The following CFAP46 variants were observed in gnomAD, a reference collection of about 807,000 sequenced individuals.
CFAP46 encodes the protein cilia- and flagella-associated protein 46.
A neutral mutation model predicts 325.7 loss-of-function variants in CFAP46; 245 were observed. The ratio of observed to expected loss-of-function variants is 0.75; its 90% CI spans 0.68 to 0.84. CFAP46 has a LOEUF of 0.84. CFAP46 is among the 40% of genes least tolerant of loss of function. The probability of loss-of-function intolerance (pLI) is 0.00; values close to 1 mark genes in which losing one functional copy is unlikely to be tolerated. For synonymous variants in CFAP46, 1,523 were observed against 1,495.9 expected (o/e 1.02, Z -0.42); for missense variants, 3,346 against 3,543.0 (o/e 0.94, Z 1.41).
Position 132,937,286 on chromosome 10 carries a change from T to C in CFAP46, c.661-231A>G, listed in dbSNP as rs1591102299. On this transcript the variant is annotated intron_variant, in intron 6 of 57. Coordinates refer to ENST00000368586, the MANE Select transcript of CFAP46 (RefSeq NM_001200049.3). Reference sequence around the variant, plus strand: ...AATTTTCTATTAACTTTAAAAAAATTCAAAGCTATTACAAAGGAAATATTT... The same window carrying C: ...AATTTTCTATTAACTTTAAAAAAATCCAAAGCTATTACAAAGGAAATATTT... 5.6e-6 allele frequency: 3 copies of C among 540,216 alleles called. No individual in the cohort carries two copies. In the East Asian group the frequency reaches 9.2e-5, roughly 17 times the overall value. 33.5% of individuals were successfully genotyped at this position (540,216 alleles called of 1,614,324 possible). A position where few individuals can be genotyped will look rare whatever the true frequency, so the allele number is the denominator to read the frequency against.
intron 22 of CFAP46, 194 bp downstream of exon 22, chr10:132,908,274 C>T: frequency 1.6e-6 from 1 of 641,068 alleles, no homozygotes; most frequent in Non-Finnish European, 2.7e-6. Context: ...CAGGCCCGCG[C>T]TCCCTGCCCG....
chr10:132,891,882 C>T (rs1278182536), intron 25 of CFAP46, among the ~76,000 whole-genome samples: 1 of 152,158 alleles, frequency 6.6e-6, no homozygotes. Context: ...GTTGTCCCAC[C>T]TTCTGGACCA....
Position 132,859,198 on chromosome 10 carries a change from G to A in CFAP46, c.5248C>T (p.Pro1750Ser), listed in dbSNP as rs117808641. Residue 1750 changes from proline to serine, a missense_variant, in exon 38 of 58, where the codon CCC becomes TCC. Physicochemically the swap from Pro to Ser is moderately conservative, Grantham distance 74 (BLOSUM62 -1). Coordinates refer to ENST00000368586, the MANE Select transcript of CFAP46 (RefSeq NM_001200049.3). ...RVAQHSAVTE[P>S]TECSLLLKEM... is the part of the protein sequence containing the mutation. ...TTCAGTAGCAACGAGCACTCTGTGGGTTCAGTGACCGCTGAGTGCTGCGCA... is the reference window on the plus strand; with the variant it reads ...TTCAGTAGCAACGAGCACTCTGTGGATTCAGTGACCGCTGAGTGCTGCGCA... 1.3e-3 allele frequency: 1,989 copies of A among 1,550,342 alleles called. 53 individuals are homozygous for A. In the East Asian group the frequency reaches 0.04, roughly 31 times the overall value.
At chr10:132,812,994 G>A (rs748890633) in intron 54 of CFAP46, 97 bp from the exon 55 acceptor site, 10 of 859,228 alleles carry the variant, frequency 1.2e-5, no homozygotes, top group Non-Finnish European at 1.7e-5. Context: ...CGTGGTCCAC[G>A]CCTGTCCCAT....
chr10:132,858,496 A>G (rs1393515897), intron 38 of CFAP46, among the ~76,000 whole-genome samples: 2 of 148,856 alleles, frequency 1.3e-5, no homozygotes, highest in Non-Finnish European at 3.0e-5. Flanking sequence ...AGGCTTTGCC[A>G]GGGTGGGAGT....
chr10:132,933,098 G>A (rs1379627246), intron 8 of CFAP46, among the ~76,000 whole-genome samples: 4 of 152,200 alleles, frequency 2.6e-5, no homozygotes, highest in South Asian at 2.1e-4. Context: ...GACTCAACTC[G>A]GCCCTCAGTG....
chr10:132,885,245 C>T lies in CFAP46; in HGVS notation c.3485G>A (p.Gly1162Glu), dbSNP rs1192411087. 1.9e-6 allele frequency: 3 copies of T among 1,549,978 alleles called. No individual in the cohort carries two copies. The African/African-American group carries it at 4.1e-5, about 21-fold the overall frequency. Residue 1162 changes from glycine (G) to glutamate (E), a missense_variant, in exon 27 of 58, where the codon GGG becomes GAG. Coordinates refer to ENST00000368586, the MANE Select transcript of CFAP46 (RefSeq NM_001200049.3). ...KHMVIVKAKL[G>E]QNFSMEIQKF... ...CTGTATTTCCATCGAAAAATTCTGC[C>T]CGAGCTTGGCCTTCACGATGACCAT...
At chr10:132,927,658 G>A (rs552611200) in intron 9 of CFAP46, among the ~76,000 whole-genome samples, 3 of 152,226 alleles carry the variant, frequency 2.0e-5, no homozygotes, top group Non-Finnish European at 4.4e-5. Context: ...ACACGTTCAC[G>A]GATCTTAAAA....
At chr10:132,810,636 A>G in intron 56 of CFAP46, 147 bp from the exon 57 acceptor site, 1 of 786,264 alleles carries the variant, frequency 1.3e-6, no homozygotes, top group Non-Finnish European at 2.2e-6. Flanking sequence ...AGCGTCGGCC[A>G]CTGGTTTGCC....
Position 132,808,791 on chromosome 10 carries a change from A to C in CFAP46, c.7778T>G (p.Val2593Gly). 1 of 1,602,462 alleles carries C rather than the reference A, an allele frequency of 6.2e-7. No homozygotes were observed. ...TGATGGGAGGCAGGTCCAGGCCTGCACTACCCGATGGCTTGGTGCGGCAGC... is the reference window on the plus strand; with the variant it reads ...TGATGGGAGGCAGGTCCAGGCCTGCCCTACCCGATGGCTTGGTGCGGCAGC... ...VWAAAPSHRV[V>G]QAWTCLPSAA... Residue 2593 changes from valine to glycine, a missense_variant, in exon 58 of 58, where the codon GTG (valine) becomes GGG (glycine). Val to Gly is a moderately radical substitution (Grantham distance 109, BLOSUM62 -3). Coordinates refer to ENST00000368586, the MANE Select transcript of CFAP46 (RefSeq NM_001200049.3). The surrounding 1 kb of genome is among the most constrained non-coding windows in gnomAD (Gnocchi z 6.8).
At chr10:132,854,527 T>TG (rs372475150) in intron 39 of CFAP46, among the ~76,000 whole-genome samples, 1 of 152,038 alleles carries the variant, frequency 6.6e-6, no homozygotes, top group African/African-American at 2.4e-5. Context: ...TTAGTGGAGA[T>TG]GGGGTTTCAC....
At chr10:132,870,995 C>T (rs1011210210) in intron 32 of CFAP46, among the ~76,000 whole-genome samples, 5 of 152,236 alleles carry the variant, frequency 3.3e-5, no homozygotes, top group Admixed American at 1.3e-4. Context: ...TAGGGGCTAA[C>T]GCAGCCGGGG....
intron 25 of CFAP46, among the ~76,000 whole-genome samples, chr10:132,887,530 TC>T (rs1564790683): frequency 2.9e-5 from 3 of 102,252 alleles, no homozygotes; most frequent in East Asian, 3.4e-4. Flanking sequence ...CTCTCCTCTC[TC>T]CTCTCCCCTC....
chr10:132,809,569 C>T (rs751525917), intron 57 of CFAP46, among the ~76,000 whole-genome samples: 5 of 152,304 alleles, frequency 3.3e-5, no homozygotes, highest in Admixed American at 6.5e-5. Context: ...TCCTGGTGAG[C>T]GGTGGATACT....
rs376534099 is a variant in CFAP46 at position 132,814,552 on chromosome 10, A to G, written c.7285+25T>C. 58 of 1,553,828 alleles carry G rather than the reference A, an allele frequency of 3.7e-5. No homozygotes were observed. The African/African-American group carries it at 6.5e-4, about 17-fold the overall frequency. On this transcript the variant is annotated intron_variant, in intron 53 of 57. Transcript: ENST00000368586. Reference sequence around the variant, plus strand: ...AGGCCCGAGGCTGGCGTGTGCCTGAACAGGGAGCCCTGTGCAGCACCCACC... The same window carrying G: ...AGGCCCGAGGCTGGCGTGTGCCTGAGCAGGGAGCCCTGTGCAGCACCCACC...
In CFAP46 at chr10:132,825,076, TGC is replaced by T. The variant is rs1264021292; in HGVS notation, c.7117+8280_7117+8281del. 3.9e-3 allele frequency among the ~76,000 whole-genome samples: 569 copies of T among 145,564 alleles called. 6 individuals carry two copies. Among genetic ancestry groups the T allele is most frequent in the African/African-American group, 0.013 (519 of 38,596 alleles). On this transcript the variant is annotated intron_variant, in intron 50 of 57. Coordinates refer to ENST00000368586, the MANE Select transcript of CFAP46 (RefSeq NM_001200049.3). ...TGTGTGCGCTGATGTGTGCTGTGTG[TGC>T]GCTGATGTGTGCTGTGTGAGTGCTG...
At chr10:132,822,317 TGTGGTGATGTGTGC>T (rs1847874127) in intron 50 of CFAP46, among the ~76,000 whole-genome samples, 1 of 133,348 alleles carries the variant, frequency 7.5e-6, no homozygotes. Flanking sequence ...GTGCTGTGTG[TGTGGTGATGTGTGC>T]TGTGTGTGTG....
rs145130173 is a variant in CFAP46, at chr10:132,891,745, C to T, written c.3304+588G>A. On this transcript the variant is annotated intron_variant, in intron 25 of 57. Coordinates refer to ENST00000368586, the MANE Select transcript of CFAP46 (RefSeq NM_001200049.3). ...TCTGCAAGATAAAAACCTTGGTCTC[C>T]ACAACTCCTCATCTAAACCCAGACA... Among the ~76,000 whole-genome samples the T allele has an allele frequency of 2.8e-3, 427 of 152,296 alleles. 2 individuals are homozygous for T. The highest frequency in any genetic ancestry group is 9.5e-3 in the African/African-American group (395 of 41,568).
Position 132,857,616 on chromosome 10 carries a change from C to T in CFAP46, c.5548G>A (p.Val1850Ile), listed in dbSNP as rs560273448. 2.7e-5 allele frequency: 43 copies of T among 1,613,746 alleles called. No individual in the cohort carries two copies. In the East Asian group the frequency reaches 5.1e-4, roughly 19 times the overall value. The change falls in exon 39 of 58, where the codon GTC becomes ATC. Residue 1850 changes from valine (V) to isoleucine (I), a missense_variant. Val to Ile is a conservative substitution (Grantham distance 29). Transcript: ENST00000368586. ...MAEEEGRLHS[V>I]QGLLSLQDLQ... ...TCTTGAAGTGACAATAGGCCCTGGACGCTGTGAAGCCTCCCTTCTTCCTCA... is the reference window on the plus strand; with the variant it reads ...TCTTGAAGTGACAATAGGCCCTGGATGCTGTGAAGCCTCCCTTCTTCCTCA...
Sources: gnomAD v4.1 joint callset for allele counts (sites outside exome capture counted in the v4.1 genomes callset) on GRCh38, gnomAD v4.1.1 for gene constraint, Gnocchi (gnomAD v3.1) non-coding constraint, MANE v1.5 for transcripts, NCBI Gene and HGNC (gene_info 2026-07-23, HGNC 2026-07-21) for gene names.